Variants in CLASP2 observed in about 807,000 individuals in gnomAD.
The protein encoded by CLASP2 is CLIP-associating protein 2.
A neutral mutation model predicts 194.4 loss-of-function variants in CLASP2; 47 were observed. The observed-to-expected ratio is 0.24, with a 90% CI of 0.19 to 0.31. The LOEUF is 0.31. Ranked by LOEUF, CLASP2 falls within the 10% of genes least tolerant of loss-of-function variation. The probability of loss-of-function intolerance (pLI) is 1.00; values close to 1 mark genes in which losing one functional copy is unlikely to be tolerated. For missense variants in CLASP2, 1,445 were observed against 1,823.6 expected, an observed-to-expected ratio of 0.79 and a Z score of 3.78; for synonymous variants, 619 against 633.5, an observed-to-expected ratio of 0.98 and a Z score of 0.34.
chr3:33,652,680 C>T (rs1185328958), intron 7 of CLASP2, among the ~76,000 whole-genome samples: 1 of 152,158 alleles, frequency 6.6e-6, no homozygotes, highest in East Asian at 1.9e-4. Context: ...AGTTCCAGAC[C>T]TATATATCCA....
intron 35 of CLASP2, 114 bp downstream of exon 35, chr3:33,516,864 AAGC>A (rs1559818603): frequency 2.4e-5 from 21 of 892,572 alleles, no homozygotes; most frequent in Non-Finnish European, 3.5e-5. Flanking sequence ...TTCATGCAGA[AAGC>A]AGCAGCAGAA....
intron 1 of CLASP2, among the ~76,000 whole-genome samples, chr3:33,717,272 T>C (rs1172391222): frequency 6.6e-6 from 1 of 152,104 alleles, no homozygotes; most frequent in Non-Finnish European, 1.5e-5. Flanking sequence ...ATCAACATTG[T>C]GTCCTAGTAA....
At chr3:33,594,885 A>T in intron 20 of CLASP2, 66 bp downstream of exon 20, 1 of 899,708 alleles carries the variant, frequency 1.1e-6, no homozygotes, top group Non-Finnish European at 1.5e-6. Flanking sequence ...TCTAATATTT[A>T]ATTCCTACCA....
chr3:33,623,579 A>C (rs1310405238), intron 10 of CLASP2, among the ~76,000 whole-genome samples: 2 of 151,896 alleles, frequency 1.3e-5, no homozygotes, highest in East Asian at 3.9e-4. Context: ...CTCCAGTTCC[A>C]TCCATGTTGT....
intron 6 of CLASP2, among the ~76,000 whole-genome samples, chr3:33,670,229 T>A (rs1390599370): frequency 2.0e-5 from 3 of 152,120 alleles, no homozygotes; most frequent in African/African-American, 7.2e-5. Flanking sequence ...AACTATGGTG[T>A]TAGAAGTCAG....
intron 7 of CLASP2, among the ~76,000 whole-genome samples, chr3:33,655,496 G>T (rs2083993922): frequency 6.6e-6 from 1 of 152,058 alleles, no homozygotes; most frequent in Non-Finnish European, 1.5e-5. Context: ...CTGTATTACT[G>T]CTAATGCCCA....
At chr3:33,577,216 A>G in intron 23 of CLASP2, 1 of 1,597,448 alleles carries the variant, frequency 6.3e-7, no homozygotes, top group Non-Finnish European at 8.5e-7. Context: ...GGCCCCATAC[A>G]CTTCGGGGGC....
Position 33,628,909 on chromosome 3 carries a change from T to A in CLASP2, c.943-1829A>T, listed in dbSNP as rs545063770. Among the ~76,000 whole-genome samples the A allele has an allele frequency of 2.0e-5, 3 of 151,848 alleles. No individual in the cohort carries two copies. The East Asian group carries it at 5.8e-4, about 29-fold the overall frequency. ...GACAGAGATGAAGTGGACAAAGATG[T>A]AGGGGGAATAAAATGGAAGAACATC... On this transcript the variant is annotated intron_variant, in intron 9 of 38. Coordinates refer to ENST00000682230, the MANE Select transcript of CLASP2 (RefSeq NM_001365631.1).
chr3:33,653,468 C>T (rs1216962537), intron 7 of CLASP2, among the ~76,000 whole-genome samples: 2 of 151,802 alleles, frequency 1.3e-5, no homozygotes, highest in African/African-American at 2.4e-5. Context: ...ATGAATAGAG[C>T]CTTAAGAGGT....
At chr3:33,501,618 G>T in intron 38 of CLASP2, 34 bp downstream of exon 38, 1 of 1,295,852 alleles carries the variant, frequency 7.7e-7, no homozygotes, top group Non-Finnish European at 1.1e-6. Context: ...ATGTACTATG[G>T]CCACCATCTC....
At chr3:33,709,824 G>A (rs2092914232) in intron 1 of CLASP2, among the ~76,000 whole-genome samples, 1 of 152,206 alleles carries the variant, frequency 6.6e-6, no homozygotes, top group Non-Finnish European at 1.5e-5. Context: ...ATCACAACAT[G>A]TGGCTGTTAT....
At chr3:33,612,169 G>C (rs1447662210) in intron 12 of CLASP2, 98 bp from the exon 13 acceptor site, 1 of 742,632 alleles carries the variant, frequency 1.3e-6, no homozygotes, top group Non-Finnish European at 2.2e-6. Context: ...TATGTTACAA[G>C]AGGACAAAAA....
chr3:33,498,738 A>C (rs778250149), intron 38 of CLASP2, 21 bp from the exon 39 acceptor site: 2 of 1,562,642 alleles, frequency 1.3e-6, no homozygotes, highest in Non-Finnish European at 8.8e-7. Flanking sequence ...AAGCCAAATA[A>C]ATGTCATTTG....
intron 7 of CLASP2, chr3:33,658,908 AAAT>A: frequency 7.3e-7 from 1 of 1,378,144 alleles, no homozygotes; most frequent in Non-Finnish European, 1.0e-6. Flanking sequence ...CTTACACAGC[AAAT>A]GATCGTCACC....
intron 6 of CLASP2, among the ~76,000 whole-genome samples, chr3:33,664,872 C>A (rs571231897): frequency 6.6e-6 from 1 of 152,080 alleles, no homozygotes; most frequent in Admixed American, 6.5e-5. Flanking sequence ...GGCCAAGCAG[C>A]GCAGATCACC....
intron 28 of CLASP2, among the ~76,000 whole-genome samples, chr3:33,560,600 A>G (rs2061658553): frequency 6.6e-6 from 1 of 152,084 alleles, no homozygotes; most frequent in African/African-American, 2.4e-5. Flanking sequence ...ATATTAATAC[A>G]ATTTTTATAA....
intron 12 of CLASP2, 135 bp downstream of exon 12, chr3:33,619,468 T>A (rs1577298259): frequency 1.4e-6 from 1 of 732,786 alleles, no homozygotes; most frequent in African/African-American, 1.9e-5. Flanking sequence ...GATTTGCTTT[T>A]GGGGTTCAAA....
chr3:33,516,849 A>G (rs930822893), intron 35 of CLASP2, 132 bp downstream of exon 35: 1 of 787,784 alleles, frequency 1.3e-6, no homozygotes. Flanking sequence ...CTTCACAGTG[A>G]AAAGTTCATG....
chr3:33,589,909 T>C (rs1456801443), intron 21 of CLASP2, among the ~76,000 whole-genome samples: 2 of 152,130 alleles, frequency 1.3e-5, no homozygotes, highest in African/African-American at 4.8e-5. Flanking sequence ...CCTTAGACAA[T>C]GGACATGGAA....
Sources: allele counts gnomAD v4.1 joint callset (sites outside exome capture counted in the v4.1 genomes callset), GRCh38; gene constraint gnomAD v4.1.1; transcripts MANE v1.5; gene names NCBI Gene and HGNC (gene_info 2026-07-23, HGNC 2026-07-21).